Variants in MARCHF1 observed in about 807,000 individuals in gnomAD.
MARCHF1 encodes the protein membrane associated ring-CH-type finger 1.
MARCHF1 carries 40 observed loss-of-function variants against 54.2 expected under a neutral mutation model. The observed-to-expected ratio is 0.74, with a 90% CI of 0.57 to 0.96. The LOEUF is 0.96. MARCHF1 is among the 40% of genes least tolerant of loss of function. The pLI, the probability that MARCHF1 is intolerant of heterozygous loss-of-function variation, is 0.00. For missense variants in MARCHF1, 586 were observed against 656.5 expected (o/e 0.89, Z 1.17); for synonymous variants, 236 against 236.3 (o/e 1.00, Z 0.01).
chr4:163,631,979 AT>A (rs1196884833), intron 5 of MARCHF1, among the ~76,000 whole-genome samples: 1 of 152,244 alleles, frequency 6.6e-6, no homozygotes, highest in Non-Finnish European at 1.5e-5. Flanking sequence ...CAAAAAACAC[AT>A]GAAAAGATGT....
chr4:164,185,810 A>ACACACACAC (rs1553990115), intron 1 of MARCHF1, among the ~76,000 whole-genome samples: 21 of 64,844 alleles, frequency 3.2e-4, no homozygotes, highest in African/African-American at 1.4e-3. Context: ...ACACACACAC[A>ACACACACAC]AAAAAAAAAA....
At chr4:163,858,387 C>T (rs1316424383) in intron 3 of MARCHF1, among the ~76,000 whole-genome samples, 1 of 152,048 alleles carries the variant, frequency 6.6e-6, no homozygotes, top group African/African-American at 2.4e-5. Flanking sequence ...CTCAAATTTG[C>T]CCATTCCATA....
chr4:163,883,594 C>T (rs988967400), intron 3 of MARCHF1, among the ~76,000 whole-genome samples: 1 of 152,016 alleles, frequency 6.6e-6, no homozygotes, highest in Non-Finnish European at 1.5e-5. Flanking sequence ...ATATATTTTT[C>T]CTGAAGCATA....
At chr4:163,529,183 T>C (rs1228752095) in intron 9 of MARCHF1, 137 bp from the exon 10 acceptor site, 1 of 654,806 alleles carries the variant, frequency 1.5e-6, no homozygotes, top group Admixed American at 3.0e-5. Context: ...ATATTCTTCA[T>C]AACTAGAAAG....
chr4:164,040,490 A>G (rs1754105434), intron 2 of MARCHF1, among the ~76,000 whole-genome samples: 1 of 149,190 alleles, frequency 6.7e-6, no homozygotes, highest in Non-Finnish European at 1.5e-5. Flanking sequence ...AAAATTATAG[A>G]TATAAAAATA....
chr4:163,680,920 C>A (rs1015281736), intron 5 of MARCHF1, among the ~76,000 whole-genome samples: 12 of 151,432 alleles, frequency 7.9e-5, no homozygotes, highest in African/African-American at 2.9e-4. Context: ...TTTCTAGTTG[C>A]CTAGCACTGT....
intron 5 of MARCHF1, among the ~76,000 whole-genome samples, chr4:163,638,336 T>C (rs1371847723): frequency 2.6e-5 from 4 of 151,910 alleles, no homozygotes; most frequent in African/African-American, 9.7e-5. Context: ...GGATTCCTCA[T>C]GAATGGCTTA....
intron 4 of MARCHF1, among the ~76,000 whole-genome samples, chr4:163,814,347 A>G (rs1748476057): frequency 1.3e-5 from 2 of 152,054 alleles, no homozygotes; most frequent in Admixed American, 1.3e-4. Flanking sequence ...ACTCCGCCCG[A>G]CTTCATTGCC....
rs550872979 is a variant in MARCHF1 at position 164,290,307 on chromosome 4, G to C, written c.-323+93563C>G. On this transcript the variant is annotated intron_variant, in intron 1 of 9. Transcript: ENST00000514618. ...TTATATTAAAAAATCAGAGAGACCT[G>C]TTAGTTAATTATAACATTATTTGAA... Among the ~76,000 whole-genome samples the C allele has an allele frequency of 6.6e-5, 10 of 151,884 alleles. 1 individual carries two copies. In the South Asian group the frequency reaches 2.1e-3, roughly 32 times the overall value.
At chr4:164,211,904 C>T (rs535682139) in intron 1 of MARCHF1, among the ~76,000 whole-genome samples, 3 of 152,064 alleles carry the variant, frequency 2.0e-5, no homozygotes, top group Admixed American at 2.0e-4. Context: ...ATGGAGGATG[C>T]TCCAACATGT....
intron 1 of MARCHF1, among the ~76,000 whole-genome samples, chr4:164,316,074 A>C (rs964704828): frequency 1.3e-5 from 2 of 152,154 alleles, no homozygotes; most frequent in African/African-American, 2.4e-5. Flanking sequence ...TTGCGCTGAC[A>C]AAATGAGCTA....
intron 3 of MARCHF1, among the ~76,000 whole-genome samples, chr4:163,946,394 T>C (rs1752027202): frequency 6.6e-6 from 1 of 152,146 alleles, no homozygotes; most frequent in Non-Finnish European, 1.5e-5. Context: ...CATACTATCA[T>C]CTCTCTATAG....
At chr4:164,286,957 C>A (rs1163971989) in intron 1 of MARCHF1, among the ~76,000 whole-genome samples, 4 of 149,826 alleles carry the variant, frequency 2.7e-5, no homozygotes, top group Admixed American at 6.6e-5. Context: ...GGTTTCAGTT[C>A]TCAAGGAAAG....
At chr4:164,029,512 A>G (rs1753833154) in intron 2 of MARCHF1, among the ~76,000 whole-genome samples, 1 of 152,134 alleles carries the variant, frequency 6.6e-6, no homozygotes, top group Admixed American at 6.6e-5. Context: ...ACAGATCCAC[A>G]CCATATCAAG....
intron 4 of MARCHF1, among the ~76,000 whole-genome samples, chr4:163,759,185 C>CT (rs140017441): frequency 0.087 from 12,611 of 145,204 alleles, 1,404 homozygotes; most frequent in African/African-American, 0.26. Context: ...AAGTAGAGAC[C>CT]TTTTTTTTTT....
intron 3 of MARCHF1, among the ~76,000 whole-genome samples, chr4:163,983,098 G>T (rs1206700049): frequency 6.6e-6 from 1 of 152,256 alleles, no homozygotes; most frequent in South Asian, 2.1e-4. Flanking sequence ...GTCCATTAGA[G>T]GTGAGTCCTC....
chr4:163,969,303 G>C (rs1367744192), intron 3 of MARCHF1, among the ~76,000 whole-genome samples: 1 of 152,142 alleles, frequency 6.6e-6, no homozygotes, highest in African/African-American at 2.4e-5. Flanking sequence ...AAGCAGCACC[G>C]TGAAATTCTG....
At chr4:163,982,831 G>A (rs1752789965) in intron 3 of MARCHF1, among the ~76,000 whole-genome samples, 1 of 152,128 alleles carries the variant, frequency 6.6e-6, no homozygotes, top group South Asian at 2.1e-4. Flanking sequence ...GAGAAAGCAA[G>A]TTTACTTCAG....
At chr4:164,349,910 C>A (rs1011377333) in intron 1 of MARCHF1, among the ~76,000 whole-genome samples, 1 of 152,018 alleles carries the variant, frequency 6.6e-6, no homozygotes, top group Non-Finnish European at 1.5e-5. Context: ...AAAAACTTAC[C>A]TTTTGAAGTC....
Sources: gnomAD v4.1 joint callset for allele counts (sites outside exome capture counted in the v4.1 genomes callset) on GRCh38, gnomAD v4.1.1 for gene constraint, MANE v1.5 for transcripts, NCBI Gene and HGNC (gene_info 2026-07-23, HGNC 2026-07-21) for gene names.